MRPS9: variants seen among roughly 807,000 people sequenced by gnomAD.
MRPS9 encodes the protein small ribosomal subunit protein uS9m.
A neutral mutation model predicts 59.9 loss-of-function variants in MRPS9; 45 were observed. The ratio of observed to expected loss-of-function variants is 0.75; its 90% confidence interval spans 0.59 to 0.96. The LOEUF (loss-of-function observed/expected upper bound fraction) is 0.96, where lower values mean the gene tolerates loss of function less well. MRPS9 is among the 40% of genes least tolerant of loss of function. The pLI, the probability that MRPS9 is intolerant of heterozygous loss-of-function variation, is 0.00. For synonymous variants in MRPS9, 171 were observed against 166.8 expected (o/e 1.03, Z -0.19); for missense variants, 473 against 481.1 (o/e 0.98, Z 0.16).
In MRPS9 at chr2:105,079,991, T is replaced by TG. The variant is rs1348408711; in HGVS notation, c.422dup (p.Glu142ArgfsTer23). The TG allele has an allele frequency of 5.0e-6, 8 of 1,611,312 alleles. No homozygotes were observed. The highest frequency in any genetic ancestry group is 6.8e-6 in the Non-Finnish European group (8 of 1,178,674). On this transcript the variant is annotated frameshift_variant, in exon 5 of 11. Coordinates refer to ENST00000258455, the MANE Select transcript of MRPS9 (RefSeq NM_182640.3). LOFTEE classifies it high-confidence loss of function. ...TGGCTTTTTTAAATCAGCAATCCAGTGGGGAGAAGATGGCCGTCCATTTCA... is the reference window on the plus strand; with the variant it reads ...TGGCTTTTTTAAATCAGCAATCCAGTGGGGGAGAAGATGGCCGTCCATTTCA...
intron 1 of MRPS9, among the ~76,000 whole-genome samples, chr2:105,044,555 A>G (rs934235): frequency 0.49 from 74,121 of 152,028 alleles, 18,249 homozygotes; most frequent in East Asian, 0.72. Flanking sequence ...TTTATGAAAA[A>G]TAGCAAATTA....
chr2:105,073,564 T>C (rs907962405), intron 4 of MRPS9, among the ~76,000 whole-genome samples: 11 of 152,214 alleles, frequency 7.2e-5, no homozygotes, highest in Admixed American at 2.6e-4. Flanking sequence ...TTGACACTTA[T>C]AGTGTACTAA....
intron 1 of MRPS9, 71 bp downstream of exon 1, chr2:105,038,298 C>A: frequency 1.3e-6 from 2 of 1,549,226 alleles, no homozygotes; most frequent in Middle Eastern, 1.9e-4. Flanking sequence ...CGGACACCTT[C>A]CCCCAGCGTC....
Position 105,089,099 on chromosome 2 carries a change from G to T in MRPS9, c.575+30G>T, listed in dbSNP as rs1042972504. Reference sequence around the variant, plus strand: ...GCTCTTTTCTTGCATTAAAATATAAGTAAAATTTGAACTAAAAACATGCCA... The same window carrying T: ...GCTCTTTTCTTGCATTAAAATATAATTAAAATTTGAACTAAAAACATGCCA... On this transcript the variant is annotated intron_variant, in intron 6 of 10. Transcript: ENST00000258455. 3 of 1,550,818 alleles carry T rather than the reference G, an allele frequency of 1.9e-6. No individual in the cohort carries two copies. The African/African-American group carries it at 4.1e-5, about 21-fold the overall frequency.
chr2:105,043,343 T>TA (rs1679534853), intron 1 of MRPS9, among the ~76,000 whole-genome samples: 1 of 152,226 alleles, frequency 6.6e-6, no homozygotes, highest in South Asian at 2.1e-4. Context: ...TTCCCCTTCA[T>TA]AGTAGTATCC....
chr2:105,071,454 T>TA lies in MRPS9; in HGVS notation c.379-4dup. 1 of 1,601,650 alleles carries TA rather than the reference T, an allele frequency of 6.2e-7. No homozygotes were observed. The highest frequency in any genetic ancestry group is 8.5e-7 in the Non-Finnish European group (1 of 1,172,684). On this transcript the variant is annotated splice_polypyrimidine_tract_variant and splice_region_variant and intron_variant, in intron 3 of 10. Transcript: ENST00000258455. ...TATCTAATACATTATTAATTTATTT[T>TA]ACAGCATCCTGAACAGATTTTTCCA...
chr2:105,078,652 A>G (rs770604049), intron 4 of MRPS9, among the ~76,000 whole-genome samples: 2 of 152,172 alleles, frequency 1.3e-5, no homozygotes, highest in Non-Finnish European at 2.9e-5. Context: ...TTTAGCATTT[A>G]TTATGAAAAT....
chr2:105,088,927 T>A, intron 5 of MRPS9, 57 bp from the exon 6 acceptor site: 10 of 1,206,952 alleles, frequency 8.3e-6, no homozygotes, highest in Non-Finnish European at 1.2e-5. Context: ...ATATCAGAAG[T>A]TATAATGTAC....
chr2:105,038,890 T>C (rs2104434331), intron 1 of MRPS9, among the ~76,000 whole-genome samples: 2 of 152,316 alleles, frequency 1.3e-5, no homozygotes, highest in Middle Eastern at 3.4e-3. Context: ...TTTTTAGGCA[T>C]CTGGGATTTC....
At chr2:105,050,168 C>T (rs375474777) in intron 2 of MRPS9, among the ~76,000 whole-genome samples, 1 of 150,478 alleles carries the variant, frequency 6.6e-6, no homozygotes, top group East Asian at 1.9e-4. Flanking sequence ...GAGACAGAGT[C>T]TTGCTCTGTT....
At chr2:105,072,115 T>G (rs999466299) in intron 4 of MRPS9, among the ~76,000 whole-genome samples, 30 of 152,236 alleles carry the variant, frequency 2.0e-4, no homozygotes, top group African/African-American at 7.0e-4. Context: ...CCAGTAGTTC[T>G]CTGTTAACTT....
At chr2:105,092,701 T>C in intron 8 of MRPS9, 132 bp downstream of exon 8, 1 of 868,400 alleles carries the variant, frequency 1.2e-6, no homozygotes. Flanking sequence ...ACTTTGGATT[T>C]CCTAATTTTT....
intron 2 of MRPS9, among the ~76,000 whole-genome samples, chr2:105,065,211 T>C (rs1170251149): frequency 6.6e-6 from 1 of 152,228 alleles, no homozygotes; most frequent in African/African-American, 2.4e-5. Flanking sequence ...CTCCTAATTT[T>C]ACTACTAAAT....
intron 5 of MRPS9, among the ~76,000 whole-genome samples, chr2:105,085,349 AAC>A (rs1206213466): frequency 6.6e-6 from 1 of 152,180 alleles, no homozygotes; most frequent in Admixed American, 6.5e-5. Flanking sequence ...TTCTTTAACA[AAC>A]ACAGATTTTA....
intron 10 of MRPS9, chr2:105,099,322 T>C (rs1024130513): frequency 2.3e-5 from 4 of 173,410 alleles, no homozygotes; most frequent in African/African-American, 9.5e-5. Context: ...AGTGTGCAGG[T>C]TAAGTTCCCT....
At chr2:105,043,214 GT>G (rs1679531637) in intron 1 of MRPS9, among the ~76,000 whole-genome samples, 1 of 152,120 alleles carries the variant, frequency 6.6e-6, no homozygotes, top group Admixed American at 6.5e-5. Context: ...GGGTTTATGC[GT>G]TTTATTTGAT....
chr2:105,071,490 G>A lies in MRPS9; in HGVS notation c.409+1G>A, dbSNP rs1680111618. 1.2e-6 allele frequency: 2 copies of A among 1,602,974 alleles called. No homozygotes were observed. Among genetic ancestry groups the A allele is most frequent in the African/African-American group, 2.7e-5 (2 of 74,746 alleles). ...GAACAGATTTTTCCAAGACAAAGAGGTAAGTTTGTTCAAGAATGAGAGAAA... is the reference window on the plus strand; with the variant it reads ...GAACAGATTTTTCCAAGACAAAGAGATAAGTTTGTTCAAGAATGAGAGAAA... On this transcript the variant is annotated splice_donor_variant, in intron 4 of 10. Coordinates refer to ENST00000258455, the MANE Select transcript of MRPS9 (RefSeq NM_182640.3). LOFTEE classifies it high-confidence loss of function.
rs113124879 is a variant in MRPS9 at position 105,039,052 on chromosome 2, G to A, written c.135+825G>A. Among the ~76,000 whole-genome samples the A allele has an allele frequency of 7.0e-3, 1,065 of 152,110 alleles. 6 individuals are homozygous for A. Among genetic ancestry groups the A allele is most frequent in the Non-Finnish European group, 0.011 (767 of 67,994 alleles). On this transcript the variant is annotated intron_variant, in intron 1 of 10. Coordinates refer to ENST00000258455, the MANE Select transcript of MRPS9 (RefSeq NM_182640.3). Reference sequence around the variant, plus strand: ...GGAGTAGGCAGAGGGACAGGGCCCTGAAGGACAAATAAGAAATAAGAGGCC... The same window carrying A: ...GGAGTAGGCAGAGGGACAGGGCCCTAAAGGACAAATAAGAAATAAGAGGCC...
intron 1 of MRPS9, among the ~76,000 whole-genome samples, chr2:105,043,556 T>C (rs1188827784): frequency 6.6e-6 from 1 of 152,356 alleles, no homozygotes; most frequent in African/African-American, 2.4e-5. Context: ...GGATAACTTT[T>C]AGCTGATAGA....
Sources: gnomAD v4.1 joint callset for allele counts (sites outside exome capture counted in the v4.1 genomes callset) on GRCh38, gnomAD v4.1.1 for gene constraint, MANE v1.5 for transcripts, NCBI Gene and HGNC (gene_info 2026-07-23, HGNC 2026-07-21) for gene names.